The following FAM3B variants were observed in gnomAD, a reference collection of about 807,000 sequenced individuals.
FAM3B encodes the protein protein FAM3B.
A neutral mutation model predicts 28.4 loss-of-function variants in FAM3B; 29 were observed. The ratio of observed to expected loss-of-function variants is 1.02; its 90% CI spans 0.76 to 1.39. FAM3B has a LOEUF of 1.39. Among genes scored for constraint, FAM3B ranks in the 40% most tolerant of loss-of-function variants. The pLI is 0.00. For synonymous variants in FAM3B, 91 were observed against 103.0 expected (o/e 0.88, Z 0.71); for missense variants, 266 against 293.9 (o/e 0.91, Z 0.69).
chr21:41,340,169 T>G (rs967824476), intron 3 of FAM3B, among the ~76,000 whole-genome samples: 7 of 150,394 alleles, frequency 4.7e-5, no homozygotes, highest in African/African-American at 1.7e-4. Flanking sequence ...TTTTTTTTTT[T>G]TTTGAGACAG....
intron 1 of FAM3B, among the ~76,000 whole-genome samples, chr21:41,308,136 T>C (rs2088691236): frequency 6.6e-6 from 1 of 152,252 alleles, no homozygotes. Flanking sequence ...AGTTTTTCTC[T>C]TGATGTCTTA....
intron 3 of FAM3B, among the ~76,000 whole-genome samples, chr21:41,339,012 G>A (rs12482276): frequency 0.038 from 5,778 of 152,282 alleles, 139 homozygotes; most frequent in African/African-American, 0.059. Flanking sequence ...AAACTCAGCC[G>A]ATAGTTTCTT....
chr21:41,338,248 T>C (rs2158354), intron 2 of FAM3B, 130 bp from the exon 3 acceptor site: 285,395 of 1,001,528 alleles, frequency 0.28, 44,344 homozygotes, highest in African/African-American at 0.57. Flanking sequence ...TGGAAACCCT[T>C]CCCCCTCAGG....
At chr21:41,319,937 G>A (rs2088786167) in intron 1 of FAM3B, 1 of 151,976 alleles carries the variant, frequency 6.6e-6, no homozygotes, top group Non-Finnish European at 1.5e-5. Flanking sequence ...AGGTCATCAG[G>A]GTGAGCCCTG....
intron 3 of FAM3B, 68 bp from the exon 4 acceptor site, chr21:41,344,408 G>C (rs1482217077): frequency 6.8e-7 from 1 of 1,468,312 alleles, no homozygotes. Context: ...TTGGTCAGGC[G>C]AAGACTTCGC....
At chr21:41,357,068 A>G (rs1297423662) in intron 7 of FAM3B, 40 bp from the exon 8 acceptor site, 3 of 1,438,966 alleles carry the variant, frequency 2.1e-6, no homozygotes, top group Non-Finnish European at 2.9e-6. Flanking sequence ...CTTGTTTATT[A>G]GATTAATGAA....
chr21:41,346,915 A>T, intron 5 of FAM3B, 98 bp from the exon 6 acceptor site: 1 of 1,061,660 alleles, frequency 9.4e-7, no homozygotes, highest in Non-Finnish European at 1.5e-6. Context: ...AAGGATTCAG[A>T]ATGGACACAG....
chr21:41,304,289 G>A (rs975982135), exon 1 of FAM3B: 4 of 456,080 alleles, frequency 8.8e-6, no homozygotes, highest in South Asian at 4.6e-5. Flanking sequence ...TCCACCGTGC[G>A]AAGGCAGGAG....
intron 1 of FAM3B, among the ~76,000 whole-genome samples, chr21:41,308,539 T>C (rs947074946): frequency 5.0e-5 from 4 of 79,856 alleles, no homozygotes; most frequent in Admixed American, 2.5e-4. Context: ...TCTTTTCTTT[T>C]TTTTTTTTTT....
chr21:41,317,113 C>T (rs2088756866), intron 1 of FAM3B, among the ~76,000 whole-genome samples: 1 of 152,218 alleles, frequency 6.6e-6, no homozygotes, highest in Admixed American at 6.5e-5. Context: ...GGTTCCCCGA[C>T]CCTGTTTCCC....
In FAM3B at chr21:41,326,160, G is replaced by A. The variant is rs2088853197; in HGVS notation, c.163+3094G>A. Among the ~76,000 whole-genome samples, 1 of 152,196 alleles carries A rather than the reference G, an allele frequency of 6.6e-6. No homozygotes were observed. Among genetic ancestry groups the A allele is most frequent in the African/African-American group, 2.4e-5 (1 of 41,430 alleles). On this transcript the variant is annotated intron_variant, in intron 2 of 7. Coordinates refer to ENST00000357985, the MANE Select transcript of FAM3B (RefSeq NM_058186.4). The surrounding 1 kb of genome is among the most constrained non-coding windows in gnomAD (Gnocchi z 4.0). ...TTTACCTTTTGATTGTTTGGGGGAA[G>A]GAATTTCAGGAAAAGCACTGAAGAC... is the stretch of plus-strand genomic sequence containing the variant.
chr21:41,321,851 G>A (rs764634408), intron 1 of FAM3B, among the ~76,000 whole-genome samples: 3 of 152,152 alleles, frequency 2.0e-5, no homozygotes, highest in Admixed American at 6.6e-5. Context: ...ACTGCACCCC[G>A]GGTGGGGCCC....
chr21:41,343,433 G>C (rs1028954453), intron 3 of FAM3B, among the ~76,000 whole-genome samples: 1 of 152,080 alleles, frequency 6.6e-6, no homozygotes, highest in African/African-American at 2.4e-5. Context: ...TGAGAAAGTC[G>C]GTTTAGATTA....
intron 1 of FAM3B, among the ~76,000 whole-genome samples, chr21:41,311,771 A>G (rs529219743): frequency 1.3e-5 from 2 of 152,290 alleles, no homozygotes; most frequent in South Asian, 4.1e-4. Context: ...AGTGAGGAGT[A>G]CCTTAATACC....
intron 2 of FAM3B, among the ~76,000 whole-genome samples, chr21:41,331,330 G>A (rs2088904213): frequency 6.6e-6 from 1 of 152,004 alleles, no homozygotes; most frequent in South Asian, 2.1e-4. Context: ...GTATGTTTTG[G>A]ATATTAATCA....
At chr21:41,316,669 G>T (rs557149625), upstream of FAM3B, 2 of 400,104 alleles carry the variant, frequency 5.0e-6, no homozygotes, top group Non-Finnish European at 8.7e-6. Context: ...ACAGCCCGGG[G>T]CACAGCCCCG....
At chr21:41,322,405 G>T (rs76669309) in intron 1 of FAM3B, among the ~76,000 whole-genome samples, 3,690 of 152,214 alleles carry the variant, frequency 0.024, 156 homozygotes, top group African/African-American at 0.084. Flanking sequence ...ACGGGGCCAG[G>T]CCTTGATCCA....
upstream of FAM3B, among the ~76,000 whole-genome samples, chr21:41,315,966 ACC>A (rs2088745722): frequency 6.6e-6 from 1 of 152,104 alleles, no homozygotes; most frequent in Admixed American, 6.6e-5. Context: ...TCTTTCGCAG[ACC>A]CTGCTTCCCT....
rs746017241 is a variant in FAM3B, at chr21:41,357,178, T to C, written c.689T>C (p.Ile230Thr). Residue 230 changes from isoleucine (I) to threonine (T), a missense_variant, in exon 8 of 8, where the codon ATA (isoleucine) becomes ACA (threonine). Ile to Thr is a moderately conservative substitution (Grantham distance 89). Coordinates refer to ENST00000357985, the MANE Select transcript of FAM3B (RefSeq NM_058186.4). Reference protein sequence around the residue: ...WPAEIQIEGCIPKERS With the variant: ...WPAEIQIEGCTPKERS ...GCAGAGATCCAGATAGAAGGCTGCA[T>C]ACCCAAAGAACGAAGCTGACACTGC... is the stretch of plus-strand genomic sequence containing the variant. 1.9e-6 allele frequency: 3 copies of C among 1,613,350 alleles called. No homozygotes were observed. Among genetic ancestry groups the C allele is most frequent in the Non-Finnish European group, 1.7e-6 (2 of 1,179,554 alleles).
Sources: gnomAD v4.1 joint callset for allele counts (sites outside exome capture counted in the v4.1 genomes callset) on GRCh38, gnomAD v4.1.1 for gene constraint, Gnocchi (gnomAD v3.1) non-coding constraint, MANE v1.5 for transcripts, NCBI Gene and HGNC (gene_info 2026-07-23, HGNC 2026-07-21) for gene names.